The following CCSER1 variants were observed in gnomAD, a reference collection of about 807,000 sequenced individuals.
The protein encoded by CCSER1 is coiled-coil serine rich protein 1, also known as serine-rich coiled-coil domain-containing protein 1.
In CCSER1, 41 loss-of-function variants were observed where a neutral mutation model predicts 82.0. That is an observed-to-expected ratio of 0.50 (90% CI 0.39 to 0.65). The LOEUF (loss-of-function observed/expected upper bound fraction) is 0.65, where lower values mean the gene tolerates loss of function less well. Ranked by LOEUF, CCSER1 falls within the 30% of genes least tolerant of loss-of-function variation. The pLI is 0.00. For missense variants in CCSER1, 1,119 were observed against 1,064.2 expected, an observed-to-expected ratio of 1.05 and a Z score of -0.72; for synonymous variants, 414 against 383.9, an observed-to-expected ratio of 1.08 and a Z score of -0.92.
chr4:91,354,264 A>T (rs1748672293), intron 10 of CCSER1, among the ~76,000 whole-genome samples: 1 of 152,330 alleles, frequency 6.6e-6, no homozygotes, highest in South Asian at 2.1e-4. Flanking sequence ...CATCTTTCCA[A>T]TCACTTACAG....
chr4:91,256,104 T>C (rs1221905323), intron 10 of CCSER1, among the ~76,000 whole-genome samples: 1 of 152,138 alleles, frequency 6.6e-6, no homozygotes, highest in Non-Finnish European at 1.5e-5. Flanking sequence ...ATATTAATAA[T>C]TAACAGCCTT....
chr4:90,442,688 A>G (rs1395312033), intron 4 of CCSER1, among the ~76,000 whole-genome samples: 4 of 152,200 alleles, frequency 2.6e-5, no homozygotes, highest in African/African-American at 9.6e-5. Context: ...CCCTTGGTTC[A>G]TGTAAACAAA....
rs144257978 is a variant in CCSER1, at chr4:90,555,237, C to T, written c.1725-72788C>T. ...CTTGATAAAATACAGATATACGACC[C>T]AGGAACAAGCCTGGCAAAAAATTTT... On this transcript the variant is annotated intron_variant, in intron 5 of 10. Transcript: ENST00000509176. 5.0e-3 allele frequency among the ~76,000 whole-genome samples: 764 copies of T among 152,054 alleles called. 9 individuals carry two copies. The highest frequency in any genetic ancestry group is 0.018 in the African/African-American group (734 of 41,474).
intron 7 of CCSER1, chr4:90,781,503 C>G: frequency 1.0e-6 from 1 of 984,986 alleles, no homozygotes; most frequent in Non-Finnish European, 1.2e-6. Context: ...GTAATCTTCT[C>G]TTATTTGATT....
chr4:90,954,012 C>G (rs1236253514), intron 9 of CCSER1, among the ~76,000 whole-genome samples: 5 of 151,924 alleles, frequency 3.3e-5, no homozygotes, highest in Non-Finnish European at 1.5e-5. Flanking sequence ...CATACAGCTT[C>G]TACTATCGGA....
At chr4:91,566,876 TCTTTGTTTC>T (rs1298735951) in intron 10 of CCSER1, among the ~76,000 whole-genome samples, 1 of 152,168 alleles carries the variant, frequency 6.6e-6, no homozygotes, top group African/African-American at 2.4e-5. Context: ...GTTTTTCATG[TCTTTGTTTC>T]CTTCAGTTCA....
At chr4:91,054,724 T>G (rs574861669) in intron 9 of CCSER1, among the ~76,000 whole-genome samples, 1 of 151,236 alleles carries the variant, frequency 6.6e-6, no homozygotes, top group African/African-American at 2.4e-5. Flanking sequence ...GGCGGTGGGG[T>G]TGGTGGGGGT....
At chr4:90,142,608 C>T (rs1386317467) in intron 1 of CCSER1, among the ~76,000 whole-genome samples, 7 of 148,104 alleles carry the variant, frequency 4.7e-5, no homozygotes, top group Non-Finnish European at 1.0e-4. Context: ...AGAGGGATAT[C>T]GTTTTATTTA....
intron 10 of CCSER1, among the ~76,000 whole-genome samples, chr4:91,314,220 C>T (rs1247969598): frequency 6.6e-6 from 1 of 151,932 alleles, no homozygotes; most frequent in Non-Finnish European, 1.5e-5. Context: ...ACTGTATCTT[C>T]TCGCCAAGTG....
chr4:90,647,997 A>G (rs1312718290), intron 6 of CCSER1, among the ~76,000 whole-genome samples: 1 of 152,136 alleles, frequency 6.6e-6, no homozygotes, highest in Non-Finnish European at 1.5e-5. Flanking sequence ...AAGATAATTT[A>G]TACGATATTT....
chr4:91,347,202 A>G (rs1163398151), intron 10 of CCSER1, among the ~76,000 whole-genome samples: 7 of 151,706 alleles, frequency 4.6e-5, no homozygotes, highest in Non-Finnish European at 1.0e-4. Context: ...TATTTTTTGC[A>G]TGTGGATTTT....
intron 6 of CCSER1, among the ~76,000 whole-genome samples, chr4:90,716,563 GTATAAT>G (rs1741677201): frequency 6.6e-6 from 1 of 152,008 alleles, no homozygotes; most frequent in South Asian, 2.1e-4. Flanking sequence ...GTTATGTGCT[GTATAAT>G]TATAATACTG....
intron 10 of CCSER1, among the ~76,000 whole-genome samples, chr4:91,486,362 C>T (rs1003554729): frequency 1.3e-5 from 2 of 151,858 alleles, no homozygotes; most frequent in South Asian, 2.1e-4. Flanking sequence ...TGAAATAATG[C>T]CTTTGTGGCA....
chr4:91,117,282 C>A (rs2148884862), intron 10 of CCSER1, among the ~76,000 whole-genome samples: 1 of 152,260 alleles, frequency 6.6e-6, no homozygotes, highest in African/African-American at 2.4e-5. Flanking sequence ...ATGTGAGGAC[C>A]TTCCTGAGAC....
intron 5 of CCSER1, among the ~76,000 whole-genome samples, chr4:90,613,621 T>A (rs1345575764): frequency 3.3e-5 from 5 of 152,134 alleles, no homozygotes; most frequent in Non-Finnish European, 7.4e-5. Flanking sequence ...TTGCCTAAAT[T>A]CATCAGAAGA....
At chr4:90,163,512 G>A (rs1160970725) in intron 1 of CCSER1, among the ~76,000 whole-genome samples, 1 of 151,878 alleles carries the variant, frequency 6.6e-6, no homozygotes, top group Non-Finnish European at 1.5e-5. Flanking sequence ...ACTACTTTGA[G>A]TTATAAACCC....
chr4:90,506,718 T>G (rs1023794003), intron 5 of CCSER1, among the ~76,000 whole-genome samples: 5 of 151,944 alleles, frequency 3.3e-5, no homozygotes, highest in Admixed American at 3.3e-4. Context: ...TGAGCCAAAA[T>G]TGTGCCATTG....
rs563873636 is a variant in CCSER1, at chr4:90,449,919, A to C, written c.1604-18315A>C. 3.3e-5 allele frequency among the ~76,000 whole-genome samples: 5 copies of C among 152,266 alleles called. No homozygotes were observed. The East Asian group carries it at 9.7e-4, about 30-fold the overall frequency. ...AGGGGTGGGGCTTTTGCCTGTTCCT[A>C]GCTCCTGCTGGCTCCATGGAGTGTA... On this transcript the variant is annotated intron_variant, in intron 4 of 10. Transcript: ENST00000509176.
At chr4:90,483,297 G>T (rs150095280) in intron 5 of CCSER1, among the ~76,000 whole-genome samples, 2,200 of 152,240 alleles carry the variant, frequency 0.014, 51 homozygotes, top group African/African-American at 0.05. Context: ...CCTGAATACA[G>T]CACACTAATG....
Sources: allele counts gnomAD v4.1 joint callset (sites outside exome capture counted in the v4.1 genomes callset), GRCh38; gene constraint gnomAD v4.1.1; transcripts MANE v1.5; gene names NCBI Gene and HGNC (gene_info 2026-07-23, HGNC 2026-07-21).